GRIA1: variants seen among roughly 807,000 people sequenced by gnomAD.
GRIA1 encodes glutamate ionotropic receptor AMPA type subunit 1, also known as glutamate receptor 1.
A neutral mutation model predicts 99.2 loss-of-function variants in GRIA1; 31 were observed. The observed-to-expected ratio is 0.31, with a 90% CI of 0.23 to 0.42. GRIA1 has a LOEUF of 0.42. Among genes scored for constraint, GRIA1 ranks in the 10% least tolerant of loss-of-function variants. GRIA1 has a pLI of 1.00. For synonymous variants in GRIA1, 438 were observed against 432.4 expected, an observed-to-expected ratio of 1.01 and a Z score of -0.16; for missense variants, 782 against 1,157.5, an observed-to-expected ratio of 0.68 and a Z score of 4.71.
At position 153,743,082 on chromosome 5, in the gene GRIA1, C is replaced by G. The variant is rs557313015; in HGVS notation, c.1824-21352C>G. 4.7e-5 allele frequency among the ~76,000 whole-genome samples: 7 copies of G among 147,398 alleles called. No homozygotes were observed. In the South Asian group the frequency reaches 6.2e-4, roughly 13 times the overall value. On this transcript the variant is annotated intron_variant, in intron 11 of 15. Transcript: ENST00000285900. ...CAGAATGGCTTTTGATCCCAAGCAG[C>G]CTGAAAGTGAGCCTTTATTCTTAAC... is the stretch of plus-strand genomic sequence containing the variant.
chr5:153,692,324 G>A (rs989288260), intron 8 of GRIA1, among the ~76,000 whole-genome samples: 2 of 152,294 alleles, frequency 1.3e-5, no homozygotes, highest in Admixed American at 1.3e-4. Context: ...GATCTAGATT[G>A]AGGTTGGCAA....
intron 2 of GRIA1, among the ~76,000 whole-genome samples, chr5:153,548,378 T>C (rs1317771743): frequency 6.6e-6 from 1 of 152,158 alleles, no homozygotes; most frequent in African/African-American, 2.4e-5. Flanking sequence ...AGTTCTGAAA[T>C]AGAACTTCAT....
rs189807376 is a variant in GRIA1 at position 153,738,048 on chromosome 5, A to C, written c.1824-26386A>C. ...TAAACTGGGGCTGAGGGACAGGAGC[A>C]GGCCAGACCCAGCTCCCCAGGAACA... is the stretch of plus-strand genomic sequence containing the variant. On this transcript the variant is annotated intron_variant, in intron 11 of 15. Transcript: ENST00000285900. Among the ~76,000 whole-genome samples the C allele has an allele frequency of 4.6e-5, 7 of 152,358 alleles. No homozygotes were observed. In the East Asian group the frequency reaches 1.4e-3, roughly 29 times the overall value.
intron 11 of GRIA1, among the ~76,000 whole-genome samples, chr5:153,751,914 G>A (rs952360307): frequency 6.6e-5 from 10 of 152,300 alleles, no homozygotes; most frequent in South Asian, 2.1e-4. Flanking sequence ...CCCAGAAGGC[G>A]TGAACTGTCC....
chr5:153,725,707 G>A (rs1032034109), intron 11 of GRIA1, among the ~76,000 whole-genome samples: 1 of 110,448 alleles, frequency 9.1e-6, no homozygotes, highest in African/African-American at 3.7e-5. Context: ...AAATATATAT[G>A]CACCCAATAC....
chr5:153,490,865 T>A lies in GRIA1; in HGVS notation c.-24T>A. 6.3e-7 allele frequency: 1 copy of A among 1,581,080 alleles called. No homozygotes were observed. The highest frequency in any genetic ancestry group is 8.7e-7 in the Non-Finnish European group (1 of 1,149,968). On this transcript the variant is annotated 5_prime_UTR_variant, in exon 1 of 16. Coordinates refer to ENST00000285900, the MANE Select transcript of GRIA1 (RefSeq NM_000827.4). ...AAATCTATGATTGGACCTGGGCTTC[T>A]TTTTCGCCAATGCAAAAAGGAATAT...
At chr5:153,621,082 T>C (rs1766995852) in intron 2 of GRIA1, among the ~76,000 whole-genome samples, 1 of 152,204 alleles carries the variant, frequency 6.6e-6, no homozygotes, top group Non-Finnish European at 1.5e-5. Context: ...TTTTAAGGAA[T>C]CCATGTATTA....
chr5:153,732,123 C>G (rs1400314157), intron 11 of GRIA1, among the ~76,000 whole-genome samples: 1 of 152,036 alleles, frequency 6.6e-6, no homozygotes, highest in Admixed American at 6.6e-5. Context: ...TTTCATTCAT[C>G]CATCCATGAA....
At chr5:153,572,101 A>C (rs1762161732) in intron 2 of GRIA1, among the ~76,000 whole-genome samples, 1 of 152,242 alleles carries the variant, frequency 6.6e-6, no homozygotes, top group South Asian at 2.1e-4. Context: ...ATGGTTGTGT[A>C]ATATACGATT....
intron 13 of GRIA1, among the ~76,000 whole-genome samples, chr5:153,771,308 G>T (rs1207574350): frequency 6.6e-6 from 1 of 152,212 alleles, no homozygotes; most frequent in Non-Finnish European, 1.5e-5. Context: ...TTTGGGGGAA[G>T]AGTTGCATTT....
At chr5:153,667,939 A>ATAT (rs780985027) in intron 5 of GRIA1, among the ~76,000 whole-genome samples, 32 of 152,234 alleles carry the variant, frequency 2.1e-4, no homozygotes, top group Non-Finnish European at 3.8e-4. Context: ...TGGAGTGACT[A>ATAT]TATTAACTAG....
intron 2 of GRIA1, among the ~76,000 whole-genome samples, chr5:153,645,401 C>G (rs1372147807): frequency 1.3e-5 from 2 of 152,094 alleles, no homozygotes; most frequent in Non-Finnish European, 2.9e-5. Flanking sequence ...TCACAGTAGA[C>G]AATTAGGTAC....
intron 10 of GRIA1, among the ~76,000 whole-genome samples, chr5:153,700,545 T>C (rs1282961819): frequency 5.9e-5 from 9 of 152,048 alleles, no homozygotes; most frequent in Admixed American, 5.9e-4. Flanking sequence ...GGGATACATA[T>C]GAGTAAAAAA....
At chr5:153,545,573 C>T (rs1759536968) in intron 2 of GRIA1, among the ~76,000 whole-genome samples, 2 of 152,132 alleles carry the variant, frequency 1.3e-5, no homozygotes, top group African/African-American at 2.4e-5. Context: ...TTGCTTGGGT[C>T]CCGGGTTAGT....
Position 153,705,821 on chromosome 5 carries a change from C to A in GRIA1, c.1577C>A (p.Pro526Gln). Residue 526 changes from proline to glutamine, a missense_variant, in exon 11 of 16, where the codon CCG becomes CAG. This residue lies in a region of GRIA1 where 87 missense variants were observed against 184.5 expected (regional missense o/e 0.47). Transcript: ENST00000285900. ...IMIKKPQKSK[P>Q]GVFSFLDPLA... ...ATTAAAAAACCACAGAAATCCAAGCCGGGTGTCTTCTCCTTCCTTGATCCT... is the reference window on the plus strand; with the variant it reads ...ATTAAAAAACCACAGAAATCCAAGCAGGGTGTCTTCTCCTTCCTTGATCCT... The A allele has an allele frequency of 2.5e-6, 4 of 1,613,726 alleles. No homozygotes were observed. Among genetic ancestry groups the A allele is most frequent in the Non-Finnish European group, 3.4e-6 (4 of 1,179,940 alleles).
chr5:153,686,504 G>A (rs1561767531), intron 8 of GRIA1, among the ~76,000 whole-genome samples, 175 bp downstream of exon 8: 2 of 152,138 alleles, frequency 1.3e-5, no homozygotes, highest in Admixed American at 6.5e-5. Flanking sequence ...GGCAAGTCTC[G>A]TTCTTCCTCT....
intron 11 of GRIA1, among the ~76,000 whole-genome samples, chr5:153,761,617 A>G (rs1212447664): frequency 6.6e-6 from 1 of 152,198 alleles, no homozygotes; most frequent in Non-Finnish European, 1.5e-5. Flanking sequence ...AGGTTCCTCA[A>G]AAAATTAAGA....
chr5:153,754,222 C>T (rs1217353512), intron 11 of GRIA1, among the ~76,000 whole-genome samples: 2 of 152,168 alleles, frequency 1.3e-5, no homozygotes, highest in African/African-American at 4.8e-5. Flanking sequence ...CCAGCTTCAC[C>T]TGAGCCAGTT....
chr5:153,794,772 A>G lies in GRIA1; in HGVS notation c.2385+37A>G, dbSNP rs995510779. ...TAAGAAAAAAAAAAACCTAGTGGGT[A>G]TGAAATAGCATGGCTGGTAACCAGC... On this transcript the variant is annotated intron_variant, in intron 14 of 15. Transcript: ENST00000285900. 3.4e-6 allele frequency: 4 copies of G among 1,181,694 alleles called. No individual in the cohort carries two copies. The African/African-American group carries it at 4.6e-5, about 14-fold the overall frequency. 73.2% of individuals were successfully genotyped at this position (1,181,694 alleles called of 1,614,324 possible). A position where few individuals can be genotyped will look rare whatever the true frequency, so the allele number is the denominator to read the frequency against.
Sources: allele counts gnomAD v4.1 joint callset (sites outside exome capture counted in the v4.1 genomes callset), GRCh38; gene constraint gnomAD v4.1.1; regional missense constraint gnomAD v4.1.1; transcripts MANE v1.5; gene names NCBI Gene and HGNC (gene_info 2026-07-23, HGNC 2026-07-21).